The following DGKB variants were observed in gnomAD, a reference collection of about 807,000 sequenced individuals.
The protein encoded by DGKB is 90 kDa diacylglycerol kinase.
A neutral mutation model predicts 114.3 loss-of-function variants in DGKB; 67 were observed. That is an observed-to-expected ratio of 0.59 (90% CI 0.48 to 0.72). The LOEUF is 0.72. Among genes scored for constraint, DGKB ranks in the 30% least tolerant of loss-of-function variants. The pLI, the probability that DGKB is intolerant of heterozygous loss-of-function variation, is 0.00. For missense variants in DGKB, 907 were observed against 975.2 expected (o/e 0.93, Z 0.93); for synonymous variants, 398 against 323.1 (o/e 1.23, Z -2.49).
At chr7:14,514,677 T>G (rs774546591) in intron 20 of DGKB, among the ~76,000 whole-genome samples, 1 of 152,154 alleles carries the variant, frequency 6.6e-6, no homozygotes, top group East Asian at 1.9e-4. Flanking sequence ...ATTTTTATCT[T>G]GTATCAAATA....
intron 23 of DGKB, among the ~76,000 whole-genome samples, chr7:14,259,399 C>CTA (rs1322200257): frequency 2.0e-5 from 2 of 100,854 alleles, no homozygotes; most frequent in East Asian, 2.2e-4. Context: ...CTCTCTCTCT[C>CTA]TCTCTCTCTA....
chr7:14,836,572 C>T (rs1847192869), intron 2 of DGKB, among the ~76,000 whole-genome samples: 1 of 152,162 alleles, frequency 6.6e-6, no homozygotes, highest in African/African-American at 2.4e-5. Context: ...ACCGACAGAC[C>T]AATAATGTGA....
At chr7:14,169,202 T>TAA (rs71033976) in intron 25 of DGKB, among the ~76,000 whole-genome samples, 152 of 145,062 alleles carry the variant, frequency 1.0e-3, no homozygotes, top group South Asian at 3.7e-3. Context: ...TACTAAAAAT[T>TAA]AAAAAAAAAA....
chr7:14,869,284 C>T (rs187291049), intron 1 of DGKB, among the ~76,000 whole-genome samples: 36 of 152,272 alleles, frequency 2.4e-4, no homozygotes, highest in African/African-American at 7.9e-4. Context: ...TTTTACTTCA[C>T]ATTGGGGTTT....
chr7:14,933,425 C>T (rs1658639367), intron 1 of DGKB, among the ~76,000 whole-genome samples: 5 of 152,136 alleles, frequency 3.3e-5, no homozygotes, highest in Admixed American at 3.3e-4. Flanking sequence ...AATTCTTACT[C>T]TTAGCATAGT....
chr7:14,952,140 G>C (rs975054558), intron 1 of DGKB, among the ~76,000 whole-genome samples: 1 of 151,990 alleles, frequency 6.6e-6, no homozygotes, highest in Non-Finnish European at 1.5e-5. Flanking sequence ...AAAGAGGAAT[G>C]CTATGTGAAG....
chr7:14,725,198 CAAAA>C (rs1829838461), intron 5 of DGKB, among the ~76,000 whole-genome samples: 1 of 151,938 alleles, frequency 6.6e-6, no homozygotes, highest in Non-Finnish European at 1.5e-5. Flanking sequence ...AAACAAAAAA[CAAAA>C]AAACTTTCTG....
chr7:14,314,661 G>A (rs1806123912), intron 23 of DGKB, among the ~76,000 whole-genome samples: 2 of 152,106 alleles, frequency 1.3e-5, no homozygotes, highest in Non-Finnish European at 2.9e-5. Flanking sequence ...TCTGACTGGT[G>A]TACCTGAAAG....
At chr7:14,155,702 T>C (rs1429271701) in intron 25 of DGKB, among the ~76,000 whole-genome samples, 2 of 152,086 alleles carry the variant, frequency 1.3e-5, no homozygotes, top group Admixed American at 6.6e-5. Context: ...TGAGTGGATG[T>C]GTGGGGCACT....
At chr7:14,275,959 T>C (rs559017327) in intron 23 of DGKB, among the ~76,000 whole-genome samples, 11 of 152,322 alleles carry the variant, frequency 7.2e-5, no homozygotes, top group Non-Finnish European at 1.5e-4. Context: ...TTTACTAACA[T>C]AAAGACAGAT....
intron 1 of DGKB, among the ~76,000 whole-genome samples, chr7:14,900,583 A>G (rs749410102): frequency 6.6e-6 from 1 of 152,146 alleles, no homozygotes; most frequent in Non-Finnish European, 1.5e-5. Context: ...TTCTTTCAAT[A>G]GTGTGCAAGA....
intron 23 of DGKB, among the ~76,000 whole-genome samples, chr7:14,293,010 C>T (rs1201213571): frequency 6.6e-6 from 1 of 152,040 alleles, no homozygotes; most frequent in Non-Finnish European, 1.5e-5. Flanking sequence ...GTAAATCATT[C>T]TTAGGATGAG....
intron 23 of DGKB, among the ~76,000 whole-genome samples, chr7:14,279,166 T>A (rs1799487005): frequency 6.6e-6 from 1 of 152,154 alleles, no homozygotes; most frequent in Admixed American, 6.5e-5. Context: ...ATACTGCGCT[T>A]TTCCGATGGG....
intron 13 of DGKB, among the ~76,000 whole-genome samples, chr7:14,665,262 T>C (rs1817832094): frequency 6.6e-6 from 1 of 151,886 alleles, no homozygotes; most frequent in South Asian, 2.1e-4. Flanking sequence ...CCATTTTCCT[T>C]AGGAAACTAA....
intron 20 of DGKB, among the ~76,000 whole-genome samples, chr7:14,566,353 C>A (rs1797380663): frequency 6.6e-6 from 1 of 151,964 alleles, no homozygotes; most frequent in African/African-American, 2.4e-5. Flanking sequence ...GTGGTTTACA[C>A]AAGGCAGAGT....
At chr7:14,539,873 G>A (rs1314579513) in intron 20 of DGKB, among the ~76,000 whole-genome samples, 1 of 151,900 alleles carries the variant, frequency 6.6e-6, no homozygotes. Flanking sequence ...TAATACTCAG[G>A]TTTTTATTAC....
intron 1 of DGKB, among the ~76,000 whole-genome samples, chr7:14,859,640 A>C (rs2128176713): frequency 6.6e-6 from 1 of 152,264 alleles, no homozygotes; most frequent in Non-Finnish European, 1.5e-5. Flanking sequence ...GGAATTCACA[A>C]ATTTTCTTTT....
chr7:14,258,219 G>A (rs943850810), intron 23 of DGKB, among the ~76,000 whole-genome samples: 9 of 152,208 alleles, frequency 5.9e-5, no homozygotes, highest in Admixed American at 5.9e-4. Flanking sequence ...GTGATACCAT[G>A]TATTCAAGTA....
At chr7:14,344,415 A>C (rs1812136456) in intron 22 of DGKB, among the ~76,000 whole-genome samples, 1 of 151,718 alleles carries the variant, frequency 6.6e-6, no homozygotes, top group Non-Finnish European at 1.5e-5. Flanking sequence ...TGTGTGGTCC[A>C]TAACTACTTC....
Sources: gnomAD v4.1 joint callset for allele counts (sites outside exome capture counted in the v4.1 genomes callset) on GRCh38, gnomAD v4.1.1 for gene constraint, MANE v1.5 for transcripts, NCBI Gene and HGNC (gene_info 2026-07-23, HGNC 2026-07-21) for gene names.